Variants in MUC12 observed in about 807,000 individuals in gnomAD.
MUC12 encodes the protein mucin 12, cell surface associated.
In MUC12, 172 loss-of-function variants were observed where a neutral mutation model predicts 230.8. That is an observed-to-expected ratio of 0.75 (90% confidence interval 0.66 to 0.85). The LOEUF is 0.85. Ranked by LOEUF, MUC12 falls within the 40% of genes least tolerant of loss-of-function variation. The probability of loss-of-function intolerance (pLI) is 0.00; values close to 1 mark genes in which losing one functional copy is unlikely to be tolerated. For missense variants in MUC12, 3,506 were observed against 5,920.6 expected, an observed-to-expected ratio of 0.59 and a Z score of 13.38; for synonymous variants, 1,259 against 2,401.9, an observed-to-expected ratio of 0.52 and a Z score of 13.91.
chr7:101,006,509 T>A lies in MUC12; in HGVS notation c.14995T>A (p.Cys4999Ser), dbSNP rs1015801589. ...AGGACAAATTTGGAATGGAAAACAA[T>A]GCGTCTGTCCCCAAGGCTACGTTGG... ...QEGQIWNGKQCVCPQGYVGYQ... is the reference protein window; with the variant it reads ...QEGQIWNGKQSVCPQGYVGYQ... The change falls in exon 3 of 12, where the codon TGC becomes AGC. Residue 4999 changes from cysteine to serine, a missense_variant. Coordinates refer to ENST00000536621, the MANE Select transcript of MUC12 (RefSeq NM_001164462.2). 45 of 1,537,136 alleles carry A rather than the reference T, an allele frequency of 2.9e-5. No individual in the cohort carries two copies. The Admixed American group carries it at 8.0e-4, about 27-fold the overall frequency.
At position 101,004,408 on chromosome 7, in the gene MUC12, G is replaced by C; in HGVS notation, c.13845G>C (p.Met4615Ile). The C allele has an allele frequency of 6.7e-7, 1 of 1,485,410 alleles. No homozygotes were observed. The highest frequency in any genetic ancestry group is 8.9e-7 in the Non-Finnish European group (1 of 1,124,906). The allele number at this position is 1,485,410 out of a possible 1,614,324, so 92.0% of individuals were successfully genotyped here. A position where few individuals can be genotyped will look rare whatever the true frequency, so the allele number is the denominator to read the frequency against. ...GCAGCCCGGGCTCAACTCAAACAAT[G>C]CACTTCCCTGAAAGCTCCACAGCTT... ...YHSSPGSTQT[M>I]HFPESSTASG... The change falls in exon 2 of 12, where the codon ATG becomes ATC. Residue 4615 changes from methionine to isoleucine, a missense_variant. Physicochemically the swap from Met to Ile is conservative, Grantham distance 10. Transcript: ENST00000536621.
Position 100,991,849 on chromosome 7 carries a change from C to A in MUC12, c.1286C>A (p.Thr429Lys). 12 of 1,537,724 alleles carry A rather than the reference C, an allele frequency of 7.8e-6. No homozygotes were observed. The highest frequency in any genetic ancestry group is 1.0e-5 in the Non-Finnish European group (12 of 1,146,848). The change falls in exon 2 of 12, where the codon ACA becomes AAA. Residue 429 changes from threonine (T) to lysine (K), a missense_variant. Coordinates refer to ENST00000536621, the MANE Select transcript of MUC12 (RefSeq NM_001164462.2). ...TETTHFRDSSTISGRSEESKA... is the reference protein window; with the variant it reads ...TETTHFRDSSKISGRSEESKA... ...ACAACACACTTCCGTGATAGCTCCA[C>A]AATCTCAGGCCGTAGTGAGGAATCA...
rs533458219 is a variant in MUC12 at position 101,011,542 on chromosome 7, G to A, written c.15252-754G>A. 2.3e-4 allele frequency among the ~76,000 whole-genome samples: 35 copies of A among 152,110 alleles called. 1 individual carries two copies. The South Asian group carries it at 2.7e-3, about 12-fold the overall frequency. ...GCTCAAGCCATCCTCCTGACGTAGC[G>A]TCCTGAGTAGCTGGGACTACAAGCG... On this transcript the variant is annotated intron_variant, in intron 5 of 11. Transcript: ENST00000536621.
intron 8 of MUC12, among the ~76,000 whole-genome samples, chr7:101,013,437 C>CTCTA (rs1793870199): frequency 6.6e-6 from 1 of 152,192 alleles, no homozygotes; most frequent in South Asian, 2.1e-4. Flanking sequence ...GTATCTCTAT[C>CTCTA]TCTATCTCTA....
rs552595829 is a variant in MUC12 at position 100,988,155 on chromosome 7, G to T, written c.68-2476G>T. 7.3e-5 allele frequency among the ~76,000 whole-genome samples: 11 copies of T among 151,124 alleles called. No homozygotes were observed. In the South Asian group the frequency reaches 2.3e-3, roughly 32 times the overall value. ...TCTACTAAAAATACAAAAATTAGCC[G>T]GGTGCAGTGGTGGGTGCCTGTAATC... On this transcript the variant is annotated intron_variant, in intron 1 of 11. Coordinates refer to ENST00000536621, the MANE Select transcript of MUC12 (RefSeq NM_001164462.2).
chr7:100,982,676 C>T (rs541863864), intron 1 of MUC12, among the ~76,000 whole-genome samples: 3 of 151,518 alleles, frequency 2.0e-5, no homozygotes, highest in Non-Finnish European at 4.4e-5. Flanking sequence ...TAGTCCTCCC[C>T]CCTTGGCCTC....
intron 1 of MUC12, among the ~76,000 whole-genome samples, chr7:100,976,497 G>A (rs548533752): frequency 6.6e-6 from 1 of 151,782 alleles, no homozygotes; most frequent in South Asian, 2.1e-4. Context: ...CCAGCTACTT[G>A]GGAGGCTGAG....
Position 100,983,414 on chromosome 7 carries a change from C to T in MUC12, c.68-7217C>T, listed in dbSNP as rs539432665. ...CAGCCTGGGCAACAGAGCGAGACTC[C>T]GTTAAAAAAAAAAAAAAAAGAAATA... is the stretch of plus-strand genomic sequence containing the variant. On this transcript the variant is annotated intron_variant, in intron 1 of 11. Coordinates refer to ENST00000536621, the MANE Select transcript of MUC12 (RefSeq NM_001164462.2). Among the ~76,000 whole-genome samples, 14 of 147,886 alleles carry T rather than the reference C, an allele frequency of 9.5e-5. 1 individual carries two copies. Among genetic ancestry groups the T allele is most frequent in the East Asian group, 5.9e-4 (3 of 5,078 alleles).
intron 5 of MUC12, among the ~76,000 whole-genome samples, chr7:101,009,603 G>C (rs1481368186): frequency 1.3e-5 from 2 of 152,164 alleles, no homozygotes; most frequent in East Asian, 1.9e-4. Flanking sequence ...GAGGCCAATG[G>C]GGGAGGATCA....
intron 1 of MUC12, among the ~76,000 whole-genome samples, chr7:100,971,640 C>T (rs1792900948): frequency 6.6e-6 from 1 of 152,312 alleles, no homozygotes; most frequent in African/African-American, 2.4e-5. Flanking sequence ...GAGTGACGAA[C>T]TCTGTGGATT....
At position 101,006,766 on chromosome 7, in the gene MUC12, G is replaced by A. The variant is rs754459599; in HGVS notation, c.15058+194G>A. 5.3e-4 allele frequency among the ~76,000 whole-genome samples: 80 copies of A among 152,058 alleles called. 2 individuals are homozygous for A. The highest frequency in any genetic ancestry group is 1.0e-4 in the Non-Finnish European group (7 of 68,024). ...GACAAAAGTAGAAGGTAGAAAAATG[G>A]GGTGGTCGATTTTTTTTAATTTTTA... On this transcript the variant is annotated intron_variant, in intron 3 of 11. Transcript: ENST00000536621.
At chr7:100,970,098 C>A (rs1348994857) in intron 1 of MUC12, among the ~76,000 whole-genome samples, 1 of 152,300 alleles carries the variant, frequency 6.6e-6, no homozygotes, top group Non-Finnish European at 1.5e-5. Flanking sequence ...GCTGCTAGCC[C>A]TGGTCGGGAG....
chr7:101,009,601 T>C (rs181600907), intron 5 of MUC12, among the ~76,000 whole-genome samples: 4 of 151,668 alleles, frequency 2.6e-5, no homozygotes, highest in East Asian at 3.9e-4. Context: ...GGGAGGCCAA[T>C]GGGGGAGGAT....
At chr7:100,969,734 G>A (rs1201450646) in intron 1 of MUC12, 45 bp downstream of exon 1, 4 of 1,537,082 alleles carry the variant, frequency 2.6e-6, no homozygotes, top group African/African-American at 1.4e-5. Context: ...GCTCCTGGGT[G>A]GTAATAGTAC....
Position 101,009,098 on chromosome 7 carries a change from G to A in MUC12, c.15190G>A (p.Asp5064Asn). ...NFSTLFKNRM[D>N]VVLKGDNLPQ... ...TTCGCTGCCTTGTTTCTTTCAGATG[G>A]ATGTCGTTTTGAAGGGCGACAATCT... Residue 5064 changes from aspartate (D) to asparagine (N), a missense_variant, in exon 5 of 12, where the codon GAT (aspartate) becomes AAT (asparagine). Physicochemically the swap from Asp to Asn is conservative, Grantham distance 23. Transcript: ENST00000536621. The A allele has an allele frequency of 6.5e-7, 1 of 1,537,860 alleles. No individual in the cohort carries two copies. The highest frequency in any genetic ancestry group is 8.7e-7 in the Non-Finnish European group (1 of 1,147,044).
chr7:101,010,712 AC>A (rs1793828964), intron 5 of MUC12, among the ~76,000 whole-genome samples: 1 of 152,076 alleles, frequency 6.6e-6, no homozygotes, highest in Admixed American at 6.5e-5. Context: ...ACAGGGTTTC[AC>A]CACGTTGGCC....
At position 100,994,046 on chromosome 7, in the gene MUC12, C is replaced by T. The variant is rs1307588559; in HGVS notation, c.3483C>T (p.Tyr1161=). 5.4e-5 allele frequency: 55 copies of T among 1,022,492 alleles called. 17 individuals are homozygous for T. The highest frequency in any genetic ancestry group is 8.7e-5 in the African/African-American group (4 of 46,004). The allele number at this position is 1,022,492 out of a possible 1,614,324, so 63.3% of individuals were successfully genotyped here. A position where few individuals can be genotyped will look rare whatever the true frequency, so the allele number is the denominator to read the frequency against. Residue 1161 remains tyrosine, a synonymous_variant, in exon 2 of 12, where the codon TAC becomes TAT. Coordinates refer to ENST00000536621, the MANE Select transcript of MUC12 (RefSeq NM_001164462.2). ...TCAGTGAGGAATCTACCACCGTCTA[C>T]AGCAGCAGCCGAGGCTCAACTGAAA... ...PGLSEESTTV[Y]SSSRGSTETT... is the part of the protein sequence containing the mutation.
intron 1 of MUC12, among the ~76,000 whole-genome samples, chr7:100,986,294 G>A (rs867952275): frequency 3.3e-5 from 5 of 152,002 alleles, no homozygotes; most frequent in Admixed American, 1.3e-4. Context: ...CAGCCTAGAA[G>A]TTTGAGGCTG....
intron 6 of MUC12, 55 bp downstream of exon 6, chr7:101,012,502 T>C: frequency 1.3e-6 from 2 of 1,499,394 alleles, no homozygotes; most frequent in Non-Finnish European, 1.8e-6. Context: ...ATCGTGACCT[T>C]GACCTCTCCC....
Sources: allele counts gnomAD v4.1 joint callset (sites outside exome capture counted in the v4.1 genomes callset), GRCh38; gene constraint gnomAD v4.1.1; transcripts MANE v1.5; gene names NCBI Gene and HGNC (gene_info 2026-07-23, HGNC 2026-07-21).